ERICH2: variants seen among roughly 807,000 people sequenced by gnomAD.
The protein encoded by ERICH2 is glutamate rich 2.
ERICH2 carries 17 observed loss-of-function variants against 17.4 expected under a neutral mutation model. The observed-to-expected ratio is 0.98, with a 90% CI of 0.67 to 1.47. The LOEUF (loss-of-function observed/expected upper bound fraction) is 1.47. Ranked by LOEUF, ERICH2 falls within the 40% of genes most tolerant of loss-of-function variation. The pLI, the probability that ERICH2 is intolerant of heterozygous loss-of-function variation, is 0.00. For synonymous variants in ERICH2, 51 were observed against 61.1 expected (o/e 0.83, Z 0.77); for missense variants, 186 against 183.2 (o/e 1.01, Z -0.09).
chr2:170,783,872 C>G (rs920927355), intron 1 of ERICH2: 1 of 1,550,548 alleles, frequency 6.4e-7, no homozygotes, highest in Non-Finnish European at 8.7e-7. Context: ...AACAGGTAGA[C>G]AGATGGCCTG....
chr2:170,798,766 G>A lies in ERICH2; in HGVS notation c.347-4G>A. The A allele has an allele frequency of 6.4e-7, 1 of 1,550,458 alleles. No individual in the cohort carries two copies. Among genetic ancestry groups the A allele is most frequent in the Non-Finnish European group, 8.7e-7 (1 of 1,146,898 alleles). ...TTAAGCAATCCTCTTCCTTTCTGTG[G>A]CAGAGAAAACTCAGAATCATGAGCA... On this transcript the variant is annotated splice_region_variant and splice_polypyrimidine_tract_variant and intron_variant, in intron 4 of 4. Coordinates refer to ENST00000409885, the Ensembl canonical transcript of ERICH2.
upstream of ERICH2, among the ~76,000 whole-genome samples, chr2:170,783,518 C>T (rs1287542791): frequency 6.6e-6 from 1 of 152,138 alleles, no homozygotes; most frequent in Non-Finnish European, 1.5e-5. Flanking sequence ...CACTGAACTC[C>T]AGCCTGGGCG....
At chr2:170,780,390 A>G (rs1700999909), upstream of ERICH2, among the ~76,000 whole-genome samples, 1 of 152,198 alleles carries the variant, frequency 6.6e-6, no homozygotes, top group African/African-American at 2.4e-5. Context: ...CAGAAAAGCC[A>G]TTTATGTCTT....
intron 2 of ERICH2, among the ~76,000 whole-genome samples, chr2:170,788,973 A>G (rs1575409166): frequency 1.4e-5 from 2 of 144,408 alleles, no homozygotes; most frequent in Middle Eastern, 7.6e-3. Context: ...ATTTTTTTTA[A>G]TTTTTTGAGA....
intron 3 of ERICH2, among the ~76,000 whole-genome samples, chr2:170,797,444 G>C (rs1037465307): frequency 5.3e-5 from 8 of 152,164 alleles, no homozygotes; most frequent in African/African-American, 1.9e-4. Flanking sequence ...TCTGGCTACT[G>C]TCCTATGAGG....
At chr2:170,780,111 T>C (rs971482212), upstream of ERICH2, among the ~76,000 whole-genome samples, 2 of 152,216 alleles carry the variant, frequency 1.3e-5, no homozygotes, top group African/African-American at 4.8e-5. Context: ...CTCTGTAATT[T>C]TATTAAGTAC....
intron 2 of ERICH2, 26 bp downstream of exon 7, chr2:170,784,859 G>A (rs1178367858): frequency 1.4e-6 from 2 of 1,387,096 alleles, no homozygotes; most frequent in Non-Finnish European, 9.4e-7. Flanking sequence ...GCATATAATT[G>A]AAGAAACTTT....
chr2:170,793,944 A>G (rs1701349268), intron 3 of ERICH2, among the ~76,000 whole-genome samples: 1 of 151,860 alleles, frequency 6.6e-6, no homozygotes, highest in South Asian at 2.1e-4. Flanking sequence ...TACCACTTCT[A>G]GTCTATCCTC....
exon 5 of ERICH2, chr2:170,798,810 T>A (rs1285688358): frequency 1.3e-6 from 2 of 1,550,612 alleles, no homozygotes; most frequent in Non-Finnish European, 1.7e-6. Context: ...AAAACAGTGA[T>A]GAAGACAGCA....
chr2:170,798,609 C>A (rs2105731471), intron 4 of ERICH2, among the ~76,000 whole-genome samples, 161 bp from the exon 10 acceptor site: 1 of 152,254 alleles, frequency 6.6e-6, no homozygotes, highest in South Asian at 2.1e-4. Flanking sequence ...TACATTTCTT[C>A]TTTGTACTAC....
At chr2:170,789,494 C>A (rs1575409396) in intron 2 of ERICH2, among the ~76,000 whole-genome samples, 1 of 151,980 alleles carries the variant, frequency 6.6e-6, no homozygotes, top group Non-Finnish European at 1.5e-5. Flanking sequence ...GGATTTTTTT[C>A]CAGTCAGATA....
At chr2:170,783,981 T>G in intron 1 of ERICH2, 1 of 1,417,976 alleles carries the variant, frequency 7.1e-7, no homozygotes, top group South Asian at 1.2e-5. Flanking sequence ...TCATTAGTTT[T>G]ACCTTTTTTT....
chr2:170,784,891 A>G, intron 2 of ERICH2, 58 bp downstream of exon 7: 2 of 1,286,774 alleles, frequency 1.6e-6, no homozygotes, highest in Non-Finnish European at 2.0e-6. Flanking sequence ...ATAACTAAAG[A>G]CTGAAGATTT....
upstream of ERICH2, among the ~76,000 whole-genome samples, chr2:170,779,174 T>C (rs926670605): frequency 2.4e-4 from 36 of 152,148 alleles, no homozygotes; most frequent in African/African-American, 5.8e-4. Flanking sequence ...GGAAAAAACA[T>C]TGGAGTGGGG....
chr2:170,794,976 A>T (rs1701380983), intron 3 of ERICH2, among the ~76,000 whole-genome samples: 1 of 152,148 alleles, frequency 6.6e-6, no homozygotes. Flanking sequence ...ATTTTTGGTG[A>T]CCCACAAATA....
intron 1 of ERICH2, 95 bp from the exon 7 acceptor site, chr2:170,784,551 A>C (rs1357722578): frequency 1.8e-6 from 1 of 567,126 alleles, no homozygotes; most frequent in Non-Finnish European, 2.9e-6. Context: ...ACTTTTATTA[A>C]TATATCAGTT....
chr2:170,785,169 A>G (rs955228311), intron 2 of ERICH2, among the ~76,000 whole-genome samples: 6 of 152,222 alleles, frequency 3.9e-5, no homozygotes, highest in African/African-American at 1.4e-4. Context: ...AAGATGATGG[A>G]TAATCCAATT....
Position 170,798,852 on chromosome 2 carries a change from G to T in ERICH2, c.429G>T (p.Glu143Asp), listed in dbSNP as rs1182534327. 2.6e-6 allele frequency: 4 copies of T among 1,550,668 alleles called. No individual in the cohort carries two copies. The Admixed American group carries it at 5.9e-5, about 23-fold the overall frequency. ...AGAGTAAAGGAGAAAGCGATGAGGA[G>T]CTGAGTGACGAGAGCTCTGACGAAG... is the stretch of plus-strand genomic sequence containing the variant. Residue 143 changes from glutamate to aspartate, a missense_variant, in exon 5 of 5, where the codon GAG becomes GAT. Physicochemically the swap from Glu to Asp is conservative, Grantham distance 45. Transcript: ENST00000409885.
upstream of ERICH2, among the ~76,000 whole-genome samples, chr2:170,783,422 C>T (rs749026338): frequency 5.9e-5 from 9 of 152,000 alleles, no homozygotes; most frequent in South Asian, 2.1e-4. Context: ...TGGTGGCGTG[C>T]GCCTGTAGTC....
Sources: gnomAD v4.1 joint callset for allele counts (sites outside exome capture counted in the v4.1 genomes callset) on GRCh38, gnomAD v4.1.1 for gene constraint, MANE v1.5 for transcripts, NCBI Gene and HGNC (gene_info 2026-07-23, HGNC 2026-07-21) for gene names.